Variants in CFAP45 observed in about 807,000 individuals in gnomAD.
CFAP45 encodes cilia- and flagella-associated protein 45.
A neutral mutation model predicts 75.6 loss-of-function variants in CFAP45; 43 were observed. The observed-to-expected ratio is 0.57, with a 90% confidence interval of 0.45 to 0.73. The LOEUF is 0.73. CFAP45 is among the 30% of genes least tolerant of loss of function. The pLI is 0.00. For missense variants in CFAP45, 689 were observed against 701.5 expected (o/e 0.98, Z 0.20); for synonymous variants, 223 against 244.6 (o/e 0.91, Z 0.82).
Position 159,873,035 on chromosome 1 carries a change from T to G in CFAP45, c.1486A>C (p.Thr496Pro). ...TTGAGGCGCCGGCCCTCCTCAAAGG[T>G]GGCAATCCGGTTCTGCACTTCCTTC... ...QQKEVQNRIA[T>P]FEEGRRLKEE... is the part of the protein sequence containing the mutation. The change falls in exon 11 of 12, where the codon ACC (threonine) becomes CCC (proline). Residue 496 changes from threonine to proline, a missense_variant. Transcript: ENST00000368099. 3 of 1,614,216 alleles carry G rather than the reference T, an allele frequency of 1.9e-6. No individual in the cohort carries two copies. Among genetic ancestry groups the G allele is most frequent in the Non-Finnish European group, 2.5e-6 (3 of 1,180,028 alleles).
intron 1 of CFAP45, among the ~76,000 whole-genome samples, chr1:159,897,322 G>A (rs1184650962): frequency 1.3e-5 from 2 of 151,834 alleles, no homozygotes; most frequent in African/African-American, 4.8e-5. Context: ...GGTGGCTCAC[G>A]CCTGTAATCC....
intron 10 of CFAP45, among the ~76,000 whole-genome samples, chr1:159,874,407 T>C (rs537836469): frequency 6.6e-6 from 1 of 152,334 alleles, no homozygotes; most frequent in East Asian, 1.9e-4. Flanking sequence ...CCTAAAATTC[T>C]GTGCCTTCTA....
intron 1 of CFAP45, among the ~76,000 whole-genome samples, chr1:159,899,343 G>C (rs895469662): frequency 6.6e-6 from 1 of 151,892 alleles, no homozygotes; most frequent in African/African-American, 2.4e-5. Context: ...GGGATACAAA[G>C]CCCTGCTAAC....
At chr1:159,872,915 A>C (rs763751898) in intron 11 of CFAP45, 29 bp downstream of exon 11, 1 of 1,600,716 alleles carries the variant, frequency 6.2e-7, no homozygotes, top group Non-Finnish European at 8.6e-7. Flanking sequence ...AGGGAAGAGG[A>C]TTTGGGAAAG....
At position 159,884,462 on chromosome 1, in the gene CFAP45, C is replaced by T. The variant is rs1164077281; in HGVS notation, c.871G>A (p.Glu291Lys). 1 of 1,613,710 alleles carries T rather than the reference C, an allele frequency of 6.2e-7. No homozygotes were observed. The highest frequency in any genetic ancestry group is 1.1e-5 in the South Asian group (1 of 90,942). The change falls in exon 7 of 12, where the codon GAA becomes AAA. Residue 291 changes from glutamate to lysine, a missense_variant. By Grantham distance (56) the Glu-to-Lys change is moderately conservative (BLOSUM62 1). Transcript: ENST00000368099. ...TTTAGATCTTCCTCTTGGAGCTGTT[C>T]CATATATTCCAGCATCTGCTCCTTC... Reference protein sequence around the residue: ...QEKEQMLEYMEQLQEEDLKDM... With the variant: ...QEKEQMLEYMKQLQEEDLKDM...
At chr1:159,892,624 T>C (rs1649855699) in intron 2 of CFAP45, among the ~76,000 whole-genome samples, 1 of 152,230 alleles carries the variant, frequency 6.6e-6, no homozygotes, top group African/African-American at 2.4e-5. Flanking sequence ...ACTCCATATG[T>C]ACCAAAATCA....
intron 3 of CFAP45, among the ~76,000 whole-genome samples, chr1:159,889,994 C>A (rs1234423118): frequency 2.0e-5 from 3 of 152,208 alleles, no homozygotes; most frequent in African/African-American, 7.2e-5. Context: ...TTGAGCTAAT[C>A]CCAAAGGAAC....
At chr1:159,884,189 T>C (rs952179326) in intron 7 of CFAP45, among the ~76,000 whole-genome samples, 1 of 152,202 alleles carries the variant, frequency 6.6e-6, no homozygotes, top group Admixed American at 6.5e-5. Flanking sequence ...TTCACAGTGA[T>C]ATGTCAGTCT....
At chr1:159,893,132 C>T in intron 2 of CFAP45, 48 bp downstream of exon 2, 1 of 1,607,168 alleles carries the variant, frequency 6.2e-7, no homozygotes, top group East Asian at 2.2e-5. Flanking sequence ...CATTTTTGGG[C>T]CTCTGCCTGC....
chr1:159,875,409 G>A (rs557910350), intron 10 of CFAP45, among the ~76,000 whole-genome samples: 1 of 152,238 alleles, frequency 6.6e-6, no homozygotes, highest in South Asian at 2.1e-4. Flanking sequence ...AAATTACAGA[G>A]CCAAAGGGTA....
rs377121518 is a variant in CFAP45 at position 159,874,644 on chromosome 1, G to A, written c.1353-1476C>T. Among the ~76,000 whole-genome samples the A allele has an allele frequency of 3.7e-4, 56 of 152,312 alleles. No individual in the cohort carries two copies. In the Middle Eastern group the frequency reaches 0.014, roughly 37 times the overall value. On this transcript the variant is annotated intron_variant, in intron 10 of 11. Coordinates refer to ENST00000368099, the MANE Select transcript of CFAP45 (RefSeq NM_012337.3). ...CTTGTATGTGTCACTAGAGAGCCCC[G>A]GTGGTGCCAGGCAGTTGAAAATCCA...
Position 159,877,402 on chromosome 1 carries a change from T to C in CFAP45, c.1105A>G (p.Ile369Val), listed in dbSNP as rs144502475. ...TCCTGCATGGCCCTCAAGCGTGCGA[T>C]CTCCTTCTCTTTCTCCCTCCGGATT... Reference protein sequence around the residue: ...ERIRREKEKEIARLRAMQEKA... With the variant: ...ERIRREKEKEVARLRAMQEKA... Residue 369 changes from isoleucine to valine, a missense_variant, in exon 9 of 12, where the codon ATC becomes GTC. By Grantham distance (29) the Ile-to-Val change is conservative (BLOSUM62 3). Coordinates refer to ENST00000368099, the MANE Select transcript of CFAP45 (RefSeq NM_012337.3). The C allele has an allele frequency of 1.9e-5, 30 of 1,614,068 alleles. No individual in the cohort carries two copies. Among genetic ancestry groups the C allele is most frequent in the Non-Finnish European group, 2.4e-5 (28 of 1,180,032 alleles).
chr1:159,872,626 G>C, intron 11 of CFAP45, 63 bp from the exon 12 acceptor site: 1 of 1,440,482 alleles, frequency 6.9e-7, no homozygotes, highest in Non-Finnish European at 9.8e-7. Context: ...GTGGGAGGAA[G>C]CAGGCTCTGG....
At chr1:159,893,359 C>T in intron 1 of CFAP45, 54 bp from the exon 2 acceptor site, 4 of 1,591,366 alleles carry the variant, frequency 2.5e-6, no homozygotes, top group Admixed American at 3.4e-5. Context: ...CATCCAGACC[C>T]TGGGAAGTCA....
intron 1 of CFAP45, among the ~76,000 whole-genome samples, chr1:159,896,627 T>C (rs901280919): frequency 6.6e-6 from 1 of 152,190 alleles, no homozygotes; most frequent in African/African-American, 2.4e-5. Flanking sequence ...GCCAAGAAGC[T>C]GAACAGTGCC....
intron 10 of CFAP45, among the ~76,000 whole-genome samples, chr1:159,875,206 A>T (rs182549776): frequency 7.9e-5 from 12 of 152,376 alleles, no homozygotes; most frequent in Non-Finnish European, 1.6e-4. Flanking sequence ...GTAGGACTTA[A>T]ATTTCATTTC....
Position 159,872,536 on chromosome 1 carries a change from G to A in CFAP45, c.1605C>T (p.Cys535=). The A allele has an allele frequency of 6.2e-7, 1 of 1,614,184 alleles. No individual in the cohort carries two copies. The highest frequency in any genetic ancestry group is 8.5e-7 in the Non-Finnish European group (1 of 1,180,000). The part of the protein sequence containing the change: ...LRATGLPEKY[C]IEAERKANIL... The stretch of plus-strand genomic sequence containing the variant: ...TGTTAGCTTTGCGCTCAGCTTCAAT[G>A]CAGTACTTCTCGGGAAGGCCAGTGG... Residue 535 remains cysteine (C), a synonymous_variant, in exon 12 of 12, where the codon TGC becomes TGT. Coordinates refer to ENST00000368099, the MANE Select transcript of CFAP45 (RefSeq NM_012337.3).
intron 8 of CFAP45, among the ~76,000 whole-genome samples, chr1:159,877,874 C>CT (rs1571179724): frequency 9.2e-5 from 2 of 21,714 alleles, no homozygotes; most frequent in African/African-American, 1.4e-4. Context: ...GACCTTGTCT[C>CT]AAAATAAATA....
At chr1:159,878,753 T>TAAAAAAAAA (rs539116292) in intron 8 of CFAP45, among the ~76,000 whole-genome samples, 1,248 of 32,444 alleles carry the variant, frequency 0.038, 251 homozygotes, top group African/African-American at 0.1. Flanking sequence ...AGACTACATC[T>TAAAAAAAAA]AAAAAAAAAA....
Sources: gnomAD v4.1 joint callset for allele counts (sites outside exome capture counted in the v4.1 genomes callset) on GRCh38, gnomAD v4.1.1 for gene constraint, MANE v1.5 for transcripts, NCBI Gene and HGNC (gene_info 2026-07-23, HGNC 2026-07-21) for gene names.